The following MOV10L1 variants were observed in gnomAD, a reference collection of about 807,000 sequenced individuals.
MOV10L1 encodes the protein RNA helicase Mov10l1.
A neutral mutation model predicts 143.8 loss-of-function variants in MOV10L1; 110 were observed. The ratio of observed to expected loss-of-function variants is 0.76; its 90% CI spans 0.66 to 0.90. MOV10L1 has a LOEUF of 0.90. Ranked by LOEUF, MOV10L1 falls within the 40% of genes least tolerant of loss-of-function variation. The pLI is 0.00. For synonymous variants in MOV10L1, 593 were observed against 581.1 expected (o/e 1.02, Z -0.29); for missense variants, 1,406 against 1,526.8 (o/e 0.92, Z 1.32).
intron 15 of MOV10L1, among the ~76,000 whole-genome samples, chr22:50,135,877 T>G (rs144146499): frequency 2.0e-5 from 3 of 152,206 alleles, no homozygotes; most frequent in Non-Finnish European, 4.4e-5. Context: ...GTGGTTTTAT[T>G]TATCTTCATG....
At chr22:50,124,908 C>T (rs1280693883) in intron 10 of MOV10L1, among the ~76,000 whole-genome samples, 1 of 152,222 alleles carries the variant, frequency 6.6e-6, no homozygotes, top group Non-Finnish European at 1.5e-5. Flanking sequence ...GTCTTGGGAT[C>T]ACAATCCTTT....
At chr22:50,154,831 A>T (rs542232052) in intron 22 of MOV10L1, among the ~76,000 whole-genome samples, 6 of 152,322 alleles carry the variant, frequency 3.9e-5, no homozygotes, top group African/African-American at 1.4e-4. Context: ...TGTCATGTGT[A>T]TTAGTCTTAA....
intron 15 of MOV10L1, among the ~76,000 whole-genome samples, chr22:50,139,305 T>C (rs1252069384): frequency 1.3e-5 from 2 of 152,016 alleles, no homozygotes; most frequent in African/African-American, 4.8e-5. Flanking sequence ...GAAGAACATC[T>C]GCACGTCCTC....
At chr22:50,131,207 C>T (rs985713794) in intron 13 of MOV10L1, among the ~76,000 whole-genome samples, 13 of 152,166 alleles carry the variant, frequency 8.5e-5, no homozygotes, top group African/African-American at 2.7e-4. Context: ...CACACCCGGC[C>T]ACTGAACATC....
intron 19 of MOV10L1, chr22:50,147,157 G>A (rs781087844): frequency 6.3e-7 from 1 of 1,590,108 alleles, no homozygotes; most frequent in Non-Finnish European, 8.6e-7. Flanking sequence ...CAGGTAGTGG[G>A]AGGAGGTGGC....
At chr22:50,095,566 G>T (rs1024112849) in intron 2 of MOV10L1, 5 of 152,178 alleles carry the variant, frequency 3.3e-5, no homozygotes, top group Non-Finnish European at 7.3e-5. Flanking sequence ...AGCTGTGGTC[G>T]TGTACTCACA....
chr22:50,113,912 CTTTTTTTTTTTTTT>C, intron 6 of MOV10L1, 124 bp downstream of exon 6: 1 of 262,032 alleles, frequency 3.8e-6, no homozygotes. Flanking sequence ...AAGATCTTTT[CTTTTTTTTTTTTTT>C]TTTTTTTTTT....
intron 15 of MOV10L1, among the ~76,000 whole-genome samples, chr22:50,140,863 T>C (rs535453586): frequency 1.4e-4 from 22 of 152,004 alleles, no homozygotes; most frequent in Non-Finnish European, 2.8e-4. Flanking sequence ...GCTCAGATTA[T>C]AGGTGTGAAC....
At chr22:50,100,091 G>A (rs1249872292) in intron 3 of MOV10L1, among the ~76,000 whole-genome samples, 5 of 151,648 alleles carry the variant, frequency 3.3e-5, no homozygotes, top group African/African-American at 1.2e-4. Flanking sequence ...TCCTGGGTTT[G>A]ATTGATTCTC....
rs559817629 is a variant in MOV10L1, at chr22:50,134,564, A to G, written c.2004A>G (p.Pro668=). 5.6e-6 allele frequency: 9 copies of G among 1,614,206 alleles called. No homozygotes were observed. The highest frequency in any genetic ancestry group is 7.6e-6 in the Non-Finnish European group (9 of 1,180,028). Residue 668 remains proline (P), a synonymous_variant, in exon 15 of 27, where the codon CCA becomes CCG. Transcript: ENST00000262794. The part of the protein sequence containing the change: ...LFPEEIILQS[P]QVTGNWNHAQ... The stretch of plus-strand genomic sequence containing the variant: ...CAGAAGAAATTATTTTACAGTCTCC[A>G]CAAGTGACGGGAAATTGGAACCATG...
At chr22:50,108,630 C>G (rs758886257) in intron 4 of MOV10L1, 27 bp from the exon 5 acceptor site, 3 of 1,611,932 alleles carry the variant, frequency 1.9e-6, no homozygotes, top group Non-Finnish European at 8.5e-7. Context: ...CATCTGCTTC[C>G]TGTGACGCTC....
intron 1 of MOV10L1, chr22:50,090,612 A>C (rs1330822190): frequency 6.8e-7 from 1 of 1,465,928 alleles, no homozygotes; most frequent in African/African-American, 1.4e-5. Flanking sequence ...CTGGTTTTCA[A>C]GCCCATCTTT....
chr22:50,121,633 C>T (rs190066813), intron 10 of MOV10L1, among the ~76,000 whole-genome samples: 175 of 152,332 alleles, frequency 1.1e-3, no homozygotes, highest in African/African-American at 4.0e-3. Flanking sequence ...GTCCTCTGTC[C>T]CCCAGTCACT....
rs763121558 is a variant in MOV10L1, at chr22:50,108,299, CAG to C, written c.555+52_555+53del. On this transcript the variant is annotated intron_variant, in intron 4 of 26. Coordinates refer to ENST00000262794, the MANE Select transcript of MOV10L1 (RefSeq NM_018995.3). The stretch of plus-strand genomic sequence containing the variant: ...TCTGTGCTTCTGGCAGACCTGCCAT[CAG>C]GGGTAACTTGCACGGCCCAGGCTTC... The C allele has an allele frequency of 2.2e-5, 34 of 1,513,702 alleles. No homozygotes were observed. The Middle Eastern group carries it at 1.0e-3, about 45-fold the overall frequency. 93.8% of individuals were successfully genotyped at this position (1,513,702 alleles called of 1,614,324 possible).
chr22:50,116,916 A>C (rs986573572), intron 8 of MOV10L1, among the ~76,000 whole-genome samples: 1 of 152,114 alleles, frequency 6.6e-6, no homozygotes, highest in Admixed American at 6.5e-5. Context: ...TCAGTCTTCC[A>C]AAGTGCTGGG....
chr22:50,131,482 G>A (rs1264403091), intron 13 of MOV10L1, among the ~76,000 whole-genome samples: 2 of 152,088 alleles, frequency 1.3e-5, no homozygotes, highest in African/African-American at 4.8e-5. Context: ...TTCTTTCACA[G>A]ATCTTTTAAT....
intron 5 of MOV10L1, 45 bp from the exon 6 acceptor site, chr22:50,113,603 G>T (rs370013808): frequency 1.2e-6 from 2 of 1,601,036 alleles, no homozygotes; most frequent in Non-Finnish European, 1.7e-6. Context: ...CGAGGAAGGG[G>T]TGGTGCTGCT....
At chr22:50,127,607 G>A (rs967576481) in intron 12 of MOV10L1, among the ~76,000 whole-genome samples, 1 of 152,172 alleles carries the variant, frequency 6.6e-6, no homozygotes, top group Non-Finnish European at 1.5e-5. Flanking sequence ...CCAGGGTGTT[G>A]CCTGAGTCAC....
chr22:50,100,291 C>G (rs2062706202), intron 3 of MOV10L1, among the ~76,000 whole-genome samples: 1 of 152,144 alleles, frequency 6.6e-6, no homozygotes, highest in Non-Finnish European at 1.5e-5. Flanking sequence ...CCACACCCAG[C>G]CAGGTCACTG....
Sources: allele counts gnomAD v4.1 joint callset (sites outside exome capture counted in the v4.1 genomes callset), GRCh38; gene constraint gnomAD v4.1.1; transcripts MANE v1.5; gene names NCBI Gene and HGNC (gene_info 2026-07-23, HGNC 2026-07-21).